DGKH: variants seen among roughly 807,000 people sequenced by gnomAD.
DGKH encodes the protein diacylglycerol kinase eta.
DGKH carries 90 observed loss-of-function variants against 159.3 expected under a neutral mutation model. That is an observed-to-expected ratio of 0.57 (90% confidence interval 0.48 to 0.67). The LOEUF is 0.67. Among genes scored for constraint, DGKH ranks in the 30% least tolerant of loss-of-function variants. The pLI is 0.00. For synonymous variants in DGKH, 536 were observed against 553.8 expected, an observed-to-expected ratio of 0.97 and a Z score of 0.45; for missense variants, 1,181 against 1,506.1, an observed-to-expected ratio of 0.78 and a Z score of 3.57.
Position 42,199,621 on chromosome 13 carries a change from G to A in DGKH, c.2341G>A (p.Ala781Thr), listed in dbSNP as rs1957297706. The A allele has an allele frequency of 1.2e-6, 2 of 1,605,304 alleles. No homozygotes were observed. Among genetic ancestry groups the A allele is most frequent in the African/African-American group, 1.3e-5 (1 of 74,448 alleles). ...MNNYFGIGLD[A>T]KISLEFNNKR... ...CAATTACTTTGGGATTGGATTAGAT[G>A]CAAAAATTTCATTAGAATTTAATAA... The change falls in exon 19 of 30, where the codon GCA becomes ACA. Residue 781 changes from alanine to threonine, a missense_variant. Around this residue, in one of 5 missense-constraint regions of DGKH, gnomAD observed 335 missense variants for 495.2 expected, o/e 0.68. Transcript: ENST00000337343.
chr13:42,171,892 C>T lies in DGKH; in HGVS notation c.1368-2168C>T, dbSNP rs374630836. 1.4e-3 allele frequency among the ~76,000 whole-genome samples: 196 copies of T among 141,618 alleles called. 1 individual carries two copies. Among genetic ancestry groups the T allele is most frequent in the East Asian group, 0.012 (56 of 4,600 alleles). 92.9% of individuals were successfully genotyped at this position (141,618 alleles called of 152,430 possible). ...TAGCCCAGGCTGGAGTGCAGTGGTG[C>T]GATCTTGCCTCACTGCAAGCTCCGC... On this transcript the variant is annotated intron_variant, in intron 11 of 29. Coordinates refer to ENST00000337343, the MANE Select transcript of DGKH (RefSeq NM_178009.5).
At chr13:42,062,430 T>C (rs1269374947) in intron 1 of DGKH, among the ~76,000 whole-genome samples, 1 of 152,144 alleles carries the variant, frequency 6.6e-6, no homozygotes, top group Non-Finnish European at 1.5e-5. Context: ...GAGTGAGGTG[T>C]CTTGCACAGC....
chr13:42,213,830 C>T (rs1341622481), intron 24 of DGKH, among the ~76,000 whole-genome samples: 2 of 152,132 alleles, frequency 1.3e-5, no homozygotes, highest in African/African-American at 4.8e-5. Context: ...TTTCTCCTTT[C>T]TTGTCCTTGG....
At chr13:42,137,136 G>A (rs1955418307) in intron 3 of DGKH, among the ~76,000 whole-genome samples, 1 of 151,980 alleles carries the variant, frequency 6.6e-6, no homozygotes, top group African/African-American at 2.4e-5. Flanking sequence ...TCTCTTAGAG[G>A]GAGATCACAT....
intron 29 of DGKH, among the ~76,000 whole-genome samples, chr13:42,223,367 G>T (rs1438520419): frequency 6.6e-6 from 1 of 152,058 alleles, no homozygotes; most frequent in South Asian, 2.1e-4. Flanking sequence ...TGAACTTTTG[G>T]ATTATAGCAC....
chr13:42,188,562 T>C (rs1329251173), intron 14 of DGKH, among the ~76,000 whole-genome samples: 1 of 152,232 alleles, frequency 6.6e-6, no homozygotes, highest in Non-Finnish European at 1.5e-5. Context: ...ATTACTTTTT[T>C]TAAAAAGTTG....
chr13:42,256,343 C>T (rs1223683514), exon 31 of DGKH: 2 of 1,589,232 alleles, frequency 1.3e-6, no homozygotes, highest in African/African-American at 2.7e-5. Context: ...GATCAACAAG[C>T]TGATGAATGA....
chr13:42,143,984 A>G (rs1437444665), intron 3 of DGKH, among the ~76,000 whole-genome samples: 1 of 152,226 alleles, frequency 6.6e-6, no homozygotes, highest in African/African-American at 2.4e-5. Flanking sequence ...AAAAGCTAGC[A>G]GAAGGCAAGA....
intron 1 of DGKH, among the ~76,000 whole-genome samples, chr13:42,125,801 T>G (rs1403980874): frequency 6.6e-6 from 1 of 152,214 alleles, no homozygotes; most frequent in South Asian, 2.1e-4. Flanking sequence ...AACTGTGGAA[T>G]CAGACAGACA....
At chr13:42,159,162 C>T in intron 5 of DGKH, 104 bp from the exon 6 acceptor site, 1 of 617,610 alleles carries the variant, frequency 1.6e-6, no homozygotes, top group East Asian at 2.9e-5. Context: ...TCTTCTACTT[C>T]CTCCTTCCCT....
chr13:42,101,077 C>A (rs1954643643), intron 1 of DGKH, among the ~76,000 whole-genome samples: 1 of 152,190 alleles, frequency 6.6e-6, no homozygotes, highest in African/African-American at 2.4e-5. Context: ...ACTGGCTCCC[C>A]CACTAATCTC....
chr13:42,088,419 A>G (rs539032716), intron 1 of DGKH, among the ~76,000 whole-genome samples: 2 of 152,192 alleles, frequency 1.3e-5, no homozygotes, highest in Admixed American at 1.3e-4. Flanking sequence ...AACTTTTTAA[A>G]GTAAAACTAA....
Position 42,251,158 on chromosome 13 carries a change from T to G in DGKH, n.4055-1251T>G, listed in dbSNP as rs569181308. Among the ~76,000 whole-genome samples the G allele has an allele frequency of 6.6e-5, 10 of 152,234 alleles. No homozygotes were observed. In the East Asian group the frequency reaches 1.5e-3, roughly 23 times the overall value. On this transcript the variant is annotated intron_variant and non_coding_transcript_variant, in intron 29 of 30. Coordinates refer to the DGKH transcript ENST00000498255. Reference sequence around the variant, plus strand: ...TTAAAAACCGAGATTAGTGAAAAATTTATTGTAAAGCTCTGTGAATTTAAA... The same window carrying G: ...TTAAAAACCGAGATTAGTGAAAAATGTATTGTAAAGCTCTGTGAATTTAAA...
chr13:42,071,299 C>T (rs752477110), intron 1 of DGKH, among the ~76,000 whole-genome samples: 5 of 152,226 alleles, frequency 3.3e-5, no homozygotes, highest in African/African-American at 1.2e-4. Context: ...AAAAGCTCTA[C>T]TCATGTTGAG....
In DGKH at chr13:42,242,798, A is replaced by G. The variant is rs926498872; in HGVS notation, c.*13610A>G. ...GTATTTTTGTACTTTGCTGAAAGTAATGGTTGATCCTGATGTACATGATGA... is the reference window on the plus strand; with the variant it reads ...GTATTTTTGTACTTTGCTGAAAGTAGTGGTTGATCCTGATGTACATGATGA... On this transcript the variant is annotated 3_prime_UTR_variant, in exon 30 of 30. Transcript: ENST00000337343. 1 of 152,194 alleles carries G rather than the reference A, an allele frequency of 6.6e-6. No individual in the cohort carries two copies. Among genetic ancestry groups the G allele is most frequent in the African/African-American group, 2.4e-5 (1 of 41,450 alleles). 9.4% of individuals were successfully genotyped at this position (152,194 alleles called of 1,614,324 possible).
intron 1 of DGKH, among the ~76,000 whole-genome samples, chr13:42,087,084 C>CACACACACACACACA (rs398038514): frequency 2.1e-5 from 3 of 145,418 alleles, no homozygotes; most frequent in Non-Finnish European, 4.5e-5. Flanking sequence ...CACACACACA[C>CACACACACACACACA]CTCAGAACAG....
intron 20 of DGKH, among the ~76,000 whole-genome samples, chr13:42,204,989 A>C (rs1348878859): frequency 6.6e-6 from 1 of 152,118 alleles, no homozygotes; most frequent in Non-Finnish European, 1.5e-5. Flanking sequence ...AATACAGTTT[A>C]TTTCTTTCTG....
chr13:42,053,484 ATAAC>A (rs1247736142), intron 1 of DGKH, among the ~76,000 whole-genome samples: 2 of 147,162 alleles, frequency 1.4e-5, no homozygotes, highest in Admixed American at 6.8e-5. Context: ...GTATAACTAT[ATAAC>A]TATATGTATA....
chr13:42,047,141 C>G (rs1429279704), upstream of DGKH, among the ~76,000 whole-genome samples: 1 of 152,142 alleles, frequency 6.6e-6, no homozygotes, highest in Admixed American at 6.6e-5. Flanking sequence ...CAGAAATAGC[C>G]TCTCTGTTAT....
Sources: allele counts gnomAD v4.1 joint callset (sites outside exome capture counted in the v4.1 genomes callset), GRCh38; gene constraint gnomAD v4.1.1; regional missense constraint gnomAD v4.1.1; transcripts MANE v1.5; gene names NCBI Gene and HGNC (gene_info 2026-07-23, HGNC 2026-07-21).